Variants in AP3S2 observed in about 807,000 individuals in gnomAD.
AP3S2 encodes the protein AP-3 complex subunit sigma-2.
Under a neutral mutation model 23.4 loss-of-function variants are expected in AP3S2, and 22 were observed. That is an observed-to-expected ratio of 0.94 (90% CI 0.67 to 1.34). AP3S2 has a LOEUF of 1.34. Ranked by LOEUF, AP3S2 falls within the 40% of genes most tolerant of loss-of-function variation. The pLI, the probability that AP3S2 is intolerant of heterozygous loss-of-function variation, is 0.00. For synonymous variants in AP3S2, 86 were observed against 87.1 expected (o/e 0.99, Z 0.07); for missense variants, 241 against 236.9 (o/e 1.02, Z -0.11).
At chr15:89,861,348 C>G (rs537498896) in intron 4 of AP3S2, among the ~76,000 whole-genome samples, 1 of 152,220 alleles carries the variant, frequency 6.6e-6, no homozygotes, top group Non-Finnish European at 1.5e-5. Context: ...CTTGACATAG[C>G]CATTGAATTG....
intron 4 of AP3S2, among the ~76,000 whole-genome samples, chr15:89,853,607 C>T (rs1437571776): frequency 6.7e-6 from 1 of 148,838 alleles, no homozygotes; most frequent in African/African-American, 2.5e-5. Context: ...GCCTGGCTGC[C>T]CAGTCTGGAA....
At chr15:89,869,847 G>A (rs888417882) in intron 4 of AP3S2, among the ~76,000 whole-genome samples, 9 of 151,688 alleles carry the variant, frequency 5.9e-5, no homozygotes, top group South Asian at 2.1e-4. Context: ...TCCGCCTCCC[G>A]GGTTCAAGCG....
chr15:89,888,030 A>C (rs1452980990), intron 3 of AP3S2, among the ~76,000 whole-genome samples: 1 of 152,226 alleles, frequency 6.6e-6, no homozygotes, highest in Admixed American at 6.5e-5. Flanking sequence ...TAAGCATTTA[A>C]AGTTTACATT....
intron 4 of AP3S2, among the ~76,000 whole-genome samples, chr15:89,859,520 G>A (rs1307925750): frequency 4.8e-5 from 7 of 147,068 alleles, no homozygotes; most frequent in East Asian, 2.1e-4. Context: ...CACGTCTCCC[G>A]TGTAGCTGGG....
At chr15:89,867,265 T>C (rs1400805164) in intron 4 of AP3S2, among the ~76,000 whole-genome samples, 80 of 148,792 alleles carry the variant, frequency 5.4e-4, no homozygotes, top group African/African-American at 1.9e-3. Context: ...CCGCCAGCCT[T>C]GGCCTCCCGA....
chr15:89,862,671 G>C (rs945747674), intron 4 of AP3S2, among the ~76,000 whole-genome samples: 1 of 152,162 alleles, frequency 6.6e-6, no homozygotes, highest in Non-Finnish European at 1.5e-5. Context: ...GACAGAGGAT[G>C]GTAGTAACAC....
rs530774492 is a variant in AP3S2, at chr15:89,832,188, A to G, written c.*3327T>C. 2 of 152,322 alleles carry G rather than the reference A, an allele frequency of 1.3e-5. No homozygotes were observed. Among genetic ancestry groups the G allele is most frequent in the African/African-American group, 4.8e-5 (2 of 41,568 alleles). The allele number at this position is 152,322 out of a possible 1,614,324, so 9.4% of individuals were successfully genotyped here. A position where few individuals can be genotyped will look rare whatever the true frequency, so the allele number is the denominator to read the frequency against. ...GCCAGGTCCAGTGGCTCACACCTGT[A>G]ATCCCAACATGTTTGGGAGGCCAAG... On this transcript the variant is annotated 3_prime_UTR_variant, in exon 6 of 6. Coordinates refer to ENST00000336418, the MANE Select transcript of AP3S2 (RefSeq NM_005829.5).
chr15:89,858,527 A>AGAGAG (rs1895918948), intron 4 of AP3S2, among the ~76,000 whole-genome samples: 1 of 40,244 alleles, frequency 2.5e-5, no homozygotes, highest in Admixed American at 3.9e-4. Flanking sequence ...GAGAGAGAGA[A>AGAGAG]AGAAAGAAAG....
intron 3 of AP3S2, among the ~76,000 whole-genome samples, chr15:89,876,329 G>T (rs540043377): frequency 6.6e-6 from 1 of 152,078 alleles, no homozygotes; most frequent in South Asian, 2.1e-4. Flanking sequence ...TGAGGCAGGA[G>T]AATCACTTGA....
At chr15:89,876,183 C>CA (rs1896438432) in intron 3 of AP3S2, among the ~76,000 whole-genome samples, 1 of 152,084 alleles carries the variant, frequency 6.6e-6, no homozygotes, top group Non-Finnish European at 1.5e-5. Flanking sequence ...TTTGGGAGGC[C>CA]AAGTCAGGCA....
intron 4 of AP3S2, among the ~76,000 whole-genome samples, chr15:89,867,051 C>G (rs1178194098): frequency 7.2e-6 from 1 of 139,278 alleles, no homozygotes; most frequent in Non-Finnish European, 1.5e-5. Flanking sequence ...TCCCTCTCCC[C>G]ACGGTCTCCC....
rs771605964 is a variant in AP3S2 at position 89,867,909 on chromosome 15, C to T, written c.345+3566G>A. Among the ~76,000 whole-genome samples the T allele has an allele frequency of 5.0e-3, 641 of 128,802 alleles. 5 individuals are homozygous for T. The highest frequency in any genetic ancestry group is 0.02 in the Middle Eastern group (5 of 244). The allele number at this position is 128,802 out of a possible 152,430, so 84.5% of individuals were successfully genotyped here. On this transcript the variant is annotated intron_variant, in intron 4 of 5. Transcript: ENST00000336418. Reference sequence around the variant, plus strand: ...GGCTCCGCCCGGCAGCCACCCCGTCCGGGAGGGAGGTGGGGGGGGTCAGCC... The same window carrying T: ...GGCTCCGCCCGGCAGCCACCCCGTCTGGGAGGGAGGTGGGGGGGGTCAGCC...
At chr15:89,881,982 G>T (rs191892489) in intron 3 of AP3S2, among the ~76,000 whole-genome samples, 34 of 152,076 alleles carry the variant, frequency 2.2e-4, no homozygotes, top group African/African-American at 7.2e-4. Flanking sequence ...CACCACGCCC[G>T]GCTAACTTTT....
intron 4 of AP3S2, among the ~76,000 whole-genome samples, chr15:89,861,301 A>G (rs761224685): frequency 6.6e-5 from 10 of 152,146 alleles, no homozygotes; most frequent in Non-Finnish European, 1.5e-4. Context: ...GCAAATTGAA[A>G]TCTATTTAAA....
chr15:89,878,861 C>T (rs1219453879), intron 3 of AP3S2, among the ~76,000 whole-genome samples: 1 of 152,230 alleles, frequency 6.6e-6, no homozygotes, highest in Non-Finnish European at 1.5e-5. Flanking sequence ...ATTCTCCCGC[C>T]TCAGCCTCCT....
chr15:89,879,190 T>C (rs992540789), intron 3 of AP3S2, among the ~76,000 whole-genome samples: 1 of 152,268 alleles, frequency 6.6e-6, no homozygotes, highest in Non-Finnish European at 1.5e-5. Flanking sequence ...GAAAATATTC[T>C]TAATATTCAA....
intron 4 of AP3S2, among the ~76,000 whole-genome samples, chr15:89,866,603 A>T (rs530091726): frequency 1.7e-3 from 260 of 151,174 alleles, no homozygotes; most frequent in Admixed American, 4.9e-3. Flanking sequence ...CTCCTGTCTC[A>T]GCCTCCTGAG....
chr15:89,844,510 T>C (rs1281092328), intron 4 of AP3S2, among the ~76,000 whole-genome samples: 31 of 144,758 alleles, frequency 2.1e-4, no homozygotes, highest in South Asian at 1.3e-3. Context: ...GCTTTTTTTC[T>C]TTTTTTTTTT....
intron 4 of AP3S2, among the ~76,000 whole-genome samples, chr15:89,857,668 C>G (rs1035861347): frequency 6.6e-6 from 1 of 152,202 alleles, no homozygotes; most frequent in African/African-American, 2.4e-5. Flanking sequence ...TATTAGAGCA[C>G]TCCTCTATTT....
Sources: allele counts gnomAD v4.1 joint callset (sites outside exome capture counted in the v4.1 genomes callset), GRCh38; gene constraint gnomAD v4.1.1; transcripts MANE v1.5; gene names NCBI Gene and HGNC (gene_info 2026-07-23, HGNC 2026-07-21).